The following NDUFAF6 variants were observed in gnomAD, a reference collection of about 807,000 sequenced individuals.
The protein encoded by NDUFAF6 is NADH dehydrogenase (ubiquinone) complex I, assembly factor 6.
A neutral mutation model predicts 40.8 loss-of-function variants in NDUFAF6; 45 were observed. The observed-to-expected ratio is 1.10, with a 90% CI of 0.87 to 1.42. The LOEUF (loss-of-function observed/expected upper bound fraction) is 1.42. Ranked by LOEUF, NDUFAF6 falls within the 40% of genes most tolerant of loss-of-function variation. NDUFAF6 has a pLI of 0.00. For missense variants in NDUFAF6, 435 were observed against 418.5 expected (o/e 1.04, Z -0.34); for synonymous variants, 185 against 155.9 (o/e 1.19, Z -1.39).
rs970909856 is a variant in NDUFAF6 at position 95,058,610 on chromosome 8, C to T, written c.*673C>T. 8.6e-7 allele frequency: 1 copy of T among 1,160,528 alleles called. No individual in the cohort carries two copies. Among genetic ancestry groups the T allele is most frequent in the Non-Finnish European group, 1.1e-6 (1 of 943,882 alleles). 71.9% of individuals were successfully genotyped at this position (1,160,528 alleles called of 1,614,324 possible). ...AATCCCACTTCCTCACTCTGTCATT[C>T]AGCATTATCATGATCGTGAACAAAA... On this transcript the variant is annotated 3_prime_UTR_variant, in exon 9 of 9. Transcript: ENST00000396124.
chr8:94,985,500 TATATATATATATA>T (rs2044202864), intron 2 of NDUFAF6, among the ~76,000 whole-genome samples: 2 of 8,818 alleles, frequency 2.3e-4, no homozygotes, highest in African/African-American at 9.5e-4. Context: ...TATATATATA[TATATATATATATA>T]TATTTTTTTT....
At chr8:94,950,825 C>T (rs1187287006) in intron 2 of NDUFAF6, 1 of 152,100 alleles carries the variant, frequency 6.6e-6, no homozygotes, top group Admixed American at 6.5e-5. Flanking sequence ...ATGACAATTA[C>T]AAGGGGCTAA....
chr8:95,043,824 T>G (rs1344331323), intron 4 of NDUFAF6, among the ~76,000 whole-genome samples: 1 of 152,196 alleles, frequency 6.6e-6, no homozygotes, highest in South Asian at 2.1e-4. Context: ...AAAAATAGTT[T>G]GGCAACTTTT....
chr8:94,919,817 T>G (rs1427677469), intron 1 of NDUFAF6, among the ~76,000 whole-genome samples: 3 of 152,232 alleles, frequency 2.0e-5, no homozygotes. Context: ...CTGTATTATC[T>G]GAATTTGTCA....
At chr8:94,912,378 C>CA (rs1183627816) in intron 1 of NDUFAF6, among the ~76,000 whole-genome samples, 2 of 152,180 alleles carry the variant, frequency 1.3e-5, no homozygotes, top group African/African-American at 4.8e-5. Context: ...TGTATGTATA[C>CA]AAAACCACAC....
chr8:95,116,714 C>T (rs1810143885), downstream of NDUFAF6, among the ~76,000 whole-genome samples: 2 of 152,128 alleles, frequency 1.3e-5, no homozygotes, highest in African/African-American at 4.8e-5. Context: ...TTTAAGAGAA[C>T]TGAAAGTGAC....
intron 9 of NDUFAF6, among the ~76,000 whole-genome samples, chr8:95,065,442 C>CT (rs1302632827): frequency 6.6e-6 from 1 of 152,192 alleles, no homozygotes; most frequent in African/African-American, 2.4e-5. Context: ...ATGTCCTCCT[C>CT]TATTTTTTTC....
chr8:95,048,538 G>A lies in NDUFAF6; in HGVS notation c.796G>A (p.Ala266Thr). ...RDVIYDIASQ[A>T]HLHLKHARSF... ...TGTAATATATGACATTGCCAGTCAA[G>A]CACACTTGCACCTAAAGCATGTAAG... Residue 266 changes from alanine to threonine, a missense_variant, in exon 7 of 9, where the codon GCA becomes ACA. Coordinates refer to ENST00000396124, the MANE Select transcript of NDUFAF6 (RefSeq NM_152416.4). 1 of 1,614,034 alleles carries A rather than the reference G, an allele frequency of 6.2e-7. No individual in the cohort carries two copies. Among genetic ancestry groups the A allele is most frequent in the Non-Finnish European group, 8.5e-7 (1 of 1,179,906 alleles).
At chr8:95,032,215 T>G (rs1828938410) in intron 2 of NDUFAF6, 121 bp downstream of exon 2, 2 of 844,228 alleles carry the variant, frequency 2.4e-6, no homozygotes, top group Non-Finnish European at 3.9e-6. Context: ...TCTCTGCTAG[T>G]GATTTCTTTT....
intron 9 of NDUFAF6, among the ~76,000 whole-genome samples, chr8:95,069,975 T>C (rs1465766540): frequency 6.6e-6 from 1 of 151,642 alleles, no homozygotes; most frequent in East Asian, 1.9e-4. Flanking sequence ...ACAAGTTACT[T>C]GACCAATCTG....
In NDUFAF6 at chr8:95,090,993, G is replaced by A. The variant is rs533707644; in HGVS notation, n.214-10139G>A. Among the ~76,000 whole-genome samples, 7 of 151,262 alleles carry A rather than the reference G, an allele frequency of 4.6e-5. No individual in the cohort carries two copies. In the East Asian group the frequency reaches 1.4e-3, roughly 29 times the overall value. On this transcript the variant is annotated intron_variant and non_coding_transcript_variant, in intron 2 of 5. Transcript: ENST00000523184. Reference sequence around the variant, plus strand: ...ATTGTGGGACCTTGTGATAGTGTAAGTTAATACTTAATAAACTCATATATA... The same window carrying A: ...ATTGTGGGACCTTGTGATAGTGTAAATTAATACTTAATAAACTCATATATA...
chr8:94,949,333 A>G (rs1822340245), intron 2 of NDUFAF6: 1 of 150,542 alleles, frequency 6.6e-6, no homozygotes, highest in Admixed American at 6.6e-5. Context: ...CGCTGCGCCC[A>G]GGCCGGCCAG....
intron 2 of NDUFAF6, among the ~76,000 whole-genome samples, chr8:94,989,636 A>C (rs1826105295): frequency 6.6e-6 from 1 of 152,202 alleles, no homozygotes; most frequent in Admixed American, 6.5e-5. Flanking sequence ...TCAGCCAATA[A>C]ACTTTTACCA....
chr8:95,096,221 G>A (rs1048835023), upstream of NDUFAF6, among the ~76,000 whole-genome samples: 8 of 152,208 alleles, frequency 5.3e-5, no homozygotes, highest in Non-Finnish European at 1.2e-4. Context: ...GGTATGGAAA[G>A]TTGGAGTGAG....
chr8:95,090,869 C>T (rs1809226596), intron 2 of NDUFAF6, among the ~76,000 whole-genome samples: 1 of 152,124 alleles, frequency 6.6e-6, no homozygotes, highest in African/African-American at 2.4e-5. Flanking sequence ...ACATTTTTCT[C>T]CCGTGCTGAA....
In NDUFAF6 at chr8:95,038,272, A is replaced by G. The variant is rs568328007; in HGVS notation, c.420+2696A>G. ...CCTCTCCTCCTTCTCCTATTCCCCC[A>G]TATGTGTATCCACATTCATAATTTT... On this transcript the variant is annotated intron_variant, in intron 3 of 8. Transcript: ENST00000396124. Among the ~76,000 whole-genome samples the G allele has an allele frequency of 2.0e-5, 3 of 152,174 alleles. No homozygotes were observed. The East Asian group carries it at 5.8e-4, about 29-fold the overall frequency.
chr8:95,095,215 G>A (rs771763023), intron 2 of NDUFAF6, among the ~76,000 whole-genome samples: 23 of 152,184 alleles, frequency 1.5e-4, no homozygotes, highest in Non-Finnish European at 2.8e-4. Flanking sequence ...TCACAGGCAG[G>A]CATCTATGAT....
chr8:94,981,682 C>A (rs1014273680), intron 2 of NDUFAF6, among the ~76,000 whole-genome samples: 1 of 152,092 alleles, frequency 6.6e-6, no homozygotes, highest in Admixed American at 6.5e-5. Flanking sequence ...ACTATGCTTA[C>A]GGCAATTTGC....
At chr8:94,939,013 T>C (rs1261746634) in intron 1 of NDUFAF6, among the ~76,000 whole-genome samples, 2 of 152,138 alleles carry the variant, frequency 1.3e-5, no homozygotes, top group Non-Finnish European at 2.9e-5. Flanking sequence ...CAGAGGACAC[T>C]AGAGGGTGTC....
Sources: gnomAD v4.1 joint callset for allele counts (sites outside exome capture counted in the v4.1 genomes callset) on GRCh38, gnomAD v4.1.1 for gene constraint, MANE v1.5 for transcripts, NCBI Gene and HGNC (gene_info 2026-07-23, HGNC 2026-07-21) for gene names.